The following TTC32 variants were observed in gnomAD, a reference collection of about 807,000 sequenced individuals.
TTC32 encodes the protein tetratricopeptide repeat domain 32, also known as tetratricopeptide repeat protein 32.
Under a neutral mutation model 15.3 loss-of-function variants are expected in TTC32, and 16 were observed. That is an observed-to-expected ratio of 1.05 (90% CI 0.71 to 1.59). The LOEUF (loss-of-function observed/expected upper bound fraction) is 1.59, where lower values mean the gene tolerates loss of function less well. TTC32 is among the 40% of genes most tolerant of loss of function. TTC32 has a pLI of 0.00. For missense variants in TTC32, 188 were observed against 181.9 expected, an observed-to-expected ratio of 1.03 and a Z score of -0.19; for synonymous variants, 89 against 67.8, an observed-to-expected ratio of 1.31 and a Z score of -1.53.
At chr2:19,899,163 G>A (rs912516505) in intron 1 of TTC32, among the ~76,000 whole-genome samples, 2 of 152,180 alleles carry the variant, frequency 1.3e-5, no homozygotes, top group African/African-American at 2.4e-5. Flanking sequence ...CGATGGAGAG[G>A]AACTGTCGCA....
chr2:19,901,008 A>G, intron 1 of TTC32: 1 of 460,880 alleles, frequency 2.2e-6, no homozygotes, highest in Non-Finnish European at 4.5e-6. Context: ...AACTGCGAAA[A>G]GGGAACCAAA....
rs1669521535 is a variant in TTC32 at position 19,897,049 on chromosome 2, A to G, written c.394T>C (p.Leu132=). The change falls in exon 3 of 3, where the codon TTA becomes CTA. Residue 132 remains leucine, a synonymous_variant. Transcript: ENST00000333610. ...NPGFQDATLS[L]KQTILDKEEK... is the part of the protein sequence containing the mutation. Reference sequence around the variant, plus strand: ...TCTTTGTCTAGAATAGTCTGTTTTAAGCTCAAAGTAGCATCTTGAAATCCA... The same window carrying G: ...TCTTTGTCTAGAATAGTCTGTTTTAGGCTCAAAGTAGCATCTTGAAATCCA... 1 of 1,608,016 alleles carries G rather than the reference A, an allele frequency of 6.2e-7. No homozygotes were observed. Among genetic ancestry groups the G allele is most frequent in the Admixed American group, 1.7e-5 (1 of 58,948 alleles).
chr2:19,901,767 G>C lies in TTC32; in HGVS notation c.88C>G (p.Leu30Val). 6.2e-7 allele frequency: 1 copy of C among 1,614,218 alleles called. No individual in the cohort carries two copies. Among genetic ancestry groups the C allele is most frequent in the Non-Finnish European group, 8.5e-7 (1 of 1,180,030 alleles). Residue 30 changes from leucine (L) to valine (V), a missense_variant, in exon 1 of 3, where the codon CTG becomes GTG. Leu to Val is a conservative substitution (Grantham distance 32, BLOSUM62 1). Transcript: ENST00000333610. ...NNGEYAEAEA[L>V]YSAYIRRCAC... ...CACCGGCGAATGTAAGCGGAGTACA[G>C]TGCCTCGGCCTCCGCGTACTCTCCA...
intron 2 of TTC32, 127 bp from the exon 3 acceptor site, chr2:19,897,253 A>C (rs1192786076): frequency 9.7e-6 from 9 of 927,750 alleles, no homozygotes; most frequent in Non-Finnish European, 1.4e-5. Flanking sequence ...CTTCTAGTAA[A>C]GGAATCTTTT....
rs145949738 is a variant in TTC32 at position 19,897,988 on chromosome 2, T to C, written c.197A>G (p.Gln66Arg). 2.5e-6 allele frequency: 4 copies of C among 1,608,204 alleles called. No homozygotes were observed. In the African/African-American group the frequency reaches 5.3e-5, roughly 21 times the overall value. Reference sequence around the variant, plus strand: ...AAAATCAACCCTGAAGTACTTGATTTGCCCCCTGTTGTTATATGCAGTAGC... The same window carrying C: ...AAAATCAACCCTGAAGTACTTGATTCGCCCCCTGTTGTTATATGCAGTAGC... ...DLATAYNNRG[Q>R]IKYFRVDFYE... Residue 66 changes from glutamine (Q) to arginine (R), a missense_variant, in exon 2 of 3, where the codon CAA (glutamine) becomes CGA (arginine). By Grantham distance (43) the Gln-to-Arg change is conservative. Coordinates refer to ENST00000333610, the MANE Select transcript of TTC32 (RefSeq NM_001008237.3).
At chr2:19,897,728 C>G (rs959122428) in intron 2 of TTC32, 141 bp downstream of exon 2, 24 of 656,580 alleles carry the variant, frequency 3.7e-5, no homozygotes, top group Non-Finnish European at 5.5e-5. Context: ...AACTCAGGGA[C>G]ACTTCCTTTG....
intron 1 of TTC32, among the ~76,000 whole-genome samples, chr2:19,899,434 C>T (rs1011479500): frequency 6.6e-6 from 1 of 151,700 alleles, no homozygotes; most frequent in African/African-American, 2.4e-5. Context: ...ATTATATATT[C>T]GTAATATAGA....
At chr2:19,901,651 C>A in intron 1 of TTC32, 55 bp downstream of exon 1, 3 of 1,578,742 alleles carry the variant, frequency 1.9e-6, no homozygotes, top group South Asian at 1.2e-5. Flanking sequence ...GCCCAAACAA[C>A]CCCAACGTCG....
chr2:19,899,629 C>T (rs1669569166), intron 1 of TTC32, among the ~76,000 whole-genome samples: 1 of 150,180 alleles, frequency 6.7e-6, no homozygotes. Context: ...AGTTACCTAA[C>T]CCAAATGTGA....
At chr2:19,897,385 C>A (rs917410082) in intron 2 of TTC32, among the ~76,000 whole-genome samples, 3 of 152,116 alleles carry the variant, frequency 2.0e-5, no homozygotes, top group Non-Finnish European at 4.4e-5. Flanking sequence ...TATCAATCAT[C>A]TTAAAATTTT....
Position 19,896,873 on chromosome 2 carries a change from G to A in TTC32, c.*114C>T. The A allele has an allele frequency of 9.8e-7, 1 of 1,018,720 alleles. No individual in the cohort carries two copies. The highest frequency in any genetic ancestry group is 2.1e-5 in the South Asian group (1 of 46,786). 63.1% of individuals were successfully genotyped at this position (1,018,720 alleles called of 1,614,324 possible). On this transcript the variant is annotated 3_prime_UTR_variant, in exon 3 of 3. Coordinates refer to ENST00000333610, the MANE Select transcript of TTC32 (RefSeq NM_001008237.3). ...CCTTAAACACACTATTTAACTTTCA[G>A]TGCTAATGTATTAATTTCTTAAATA...
chr2:19,897,757 A>T, intron 2 of TTC32, 112 bp downstream of exon 2: 1 of 930,580 alleles, frequency 1.1e-6, no homozygotes, highest in Non-Finnish European at 1.5e-6. Context: ...TCTAAACCTA[A>T]ATTTCACAGA....
intron 1 of TTC32, 51 bp downstream of exon 1, chr2:19,901,655 A>C: frequency 1.3e-6 from 2 of 1,583,128 alleles, no homozygotes; most frequent in Admixed American, 1.7e-5. Context: ...AAACAACCCC[A>C]ACGTCGCCTC....
chr2:19,901,336 A>G, intron 1 of TTC32: 1 of 310,182 alleles, frequency 3.2e-6, no homozygotes, highest in Non-Finnish European at 6.3e-6. Flanking sequence ...GCCAGCTAAA[A>G]TCACGAGTGG....
At chr2:19,897,695 A>G (rs1182368578) in intron 2 of TTC32, among the ~76,000 whole-genome samples, 174 bp downstream of exon 2, 2 of 152,214 alleles carry the variant, frequency 1.3e-5, no homozygotes, top group Non-Finnish European at 2.9e-5. Flanking sequence ...GTGATCTATA[A>G]CGCCTATCAA....
intron 1 of TTC32, among the ~76,000 whole-genome samples, chr2:19,899,142 A>G (rs1669558061): frequency 1.3e-5 from 2 of 152,200 alleles, no homozygotes; most frequent in South Asian, 4.1e-4. Context: ...CCTTCAAACC[A>G]AGTTTGCTAA....
intron 1 of TTC32, 38 bp downstream of exon 1, chr2:19,901,667 AC>A: frequency 6.9e-6 from 11 of 1,595,854 alleles, no homozygotes; most frequent in Non-Finnish European, 9.4e-6. Flanking sequence ...CGTCGCCTCC[AC>A]CCGGGGTCGC....
At position 19,901,820 on chromosome 2, in the gene TTC32, A is replaced by C. The variant is rs768842083; in HGVS notation, c.35T>G (p.Leu12Arg). Residue 12 changes from leucine (L) to arginine (R), a missense_variant, in exon 1 of 3, where the codon CTA becomes CGA. By Grantham distance (102) the Leu-to-Arg change is moderately radical. Coordinates refer to ENST00000333610, the MANE Select transcript of TTC32 (RefSeq NM_001008237.3). Reference protein sequence around the residue: ...EGQRQESHATLTLAQAHFNNG... With the variant: ...EGQRQESHATRTLAQAHFNNG... ...GTTGAAATGAGCCTGGGCGAGTGTT[A>C]GGGTTGCGTGGCTTTCTTGCCGCTG... The C allele has an allele frequency of 6.2e-7, 1 of 1,614,142 alleles. No homozygotes were observed. The highest frequency in any genetic ancestry group is 8.5e-7 in the Non-Finnish European group (1 of 1,179,994).
chr2:19,899,620 G>A (rs1375388622), intron 1 of TTC32, among the ~76,000 whole-genome samples: 1 of 150,670 alleles, frequency 6.6e-6, no homozygotes, highest in African/African-American at 2.4e-5. Flanking sequence ...ATTCATTCAA[G>A]TTACCTAACC....
Sources: gnomAD v4.1 joint callset for allele counts (sites outside exome capture counted in the v4.1 genomes callset) on GRCh38, gnomAD v4.1.1 for gene constraint, MANE v1.5 for transcripts, NCBI Gene and HGNC (gene_info 2026-07-23, HGNC 2026-07-21) for gene names.